Variants in ADGRL3 observed in about 807,000 individuals in gnomAD.
ADGRL3 encodes calcium-independent alpha-latrotoxin receptor 3.
ADGRL3 carries 62 observed loss-of-function variants against 153.5 expected under a neutral mutation model. The ratio of observed to expected loss-of-function variants is 0.40; its 90% confidence interval spans 0.33 to 0.50. ADGRL3 has a LOEUF of 0.50. ADGRL3 is among the 20% of genes least tolerant of loss of function. ADGRL3 has a pLI of 0.47. For missense variants in ADGRL3, 1,641 were observed against 1,859.4 expected (o/e 0.88, Z 2.16); for synonymous variants, 710 against 672.5 (o/e 1.06, Z -0.86).
At chr4:61,874,916 C>T (rs1203071600) in intron 9 of ADGRL3, among the ~76,000 whole-genome samples, 2 of 146,000 alleles carry the variant, frequency 1.4e-5, no homozygotes, top group East Asian at 4.1e-4. Context: ...TCACGCCATT[C>T]TCCTGCCTCA....
intron 5 of ADGRL3, among the ~76,000 whole-genome samples, chr4:61,661,618 A>T (rs774223050): frequency 2.0e-5 from 3 of 152,140 alleles, no homozygotes; most frequent in Admixed American, 1.3e-4. Flanking sequence ...TAAAGGAAAG[A>T]ACAGTGTTAT....
chr4:61,291,173 A>T (rs1474952421), intron 1 of ADGRL3, among the ~76,000 whole-genome samples: 1 of 70,152 alleles, frequency 1.4e-5, no homozygotes, highest in Non-Finnish European at 2.9e-5. Flanking sequence ...TGCCTGGATC[A>T]ATACACACAC....
rs978015576 is a variant in ADGRL3, at chr4:61,200,349, G to C, written c.-1656G>C. Among the ~76,000 whole-genome samples the C allele has an allele frequency of 6.0e-5, 9 of 149,920 alleles. No individual in the cohort carries two copies. Among genetic ancestry groups the C allele is most frequent in the African/African-American group, 2.0e-4 (8 of 40,624 alleles). On this transcript the variant is annotated 5_prime_UTR_variant, in exon 1 of 27. Coordinates refer to ENST00000683033, the MANE Select transcript of ADGRL3 (RefSeq NM_001387552.1). ...TCATTCTGGCCTCCGCTCCGGCCCC[G>C]GCTGCGCCTACCCCGCGCGCAGGCT...
At chr4:61,274,764 AAAACAAAC>A (rs906748017) in intron 1 of ADGRL3, among the ~76,000 whole-genome samples, 1 of 152,050 alleles carries the variant, frequency 6.6e-6, no homozygotes, top group Non-Finnish European at 1.5e-5. Context: ...TCTCTACCAA[AAAACAAAC>A]AAACAAACAA....
intron 1 of ADGRL3, among the ~76,000 whole-genome samples, chr4:61,307,273 A>G (rs1488748689): frequency 2.6e-5 from 4 of 152,198 alleles, no homozygotes; most frequent in Non-Finnish European, 5.9e-5. Context: ...TGATTATGAC[A>G]ATATCTAAAA....
At chr4:61,347,522 A>G (rs1327663949) in intron 1 of ADGRL3, among the ~76,000 whole-genome samples, 1 of 152,170 alleles carries the variant, frequency 6.6e-6, no homozygotes. Flanking sequence ...AATTGAAGAA[A>G]GCAAATGCAA....
intron 11 of ADGRL3, among the ~76,000 whole-genome samples, chr4:61,901,540 T>G (rs1040655713): frequency 3.3e-5 from 5 of 152,210 alleles, no homozygotes; most frequent in African/African-American, 9.6e-5. Context: ...ATTTAACTTA[T>G]GTTTAATTGT....
intron 9 of ADGRL3, among the ~76,000 whole-genome samples, chr4:61,845,964 C>A (rs1481183553): frequency 1.3e-5 from 2 of 152,038 alleles, no homozygotes; most frequent in Non-Finnish European, 2.9e-5. Context: ...GCATAACATT[C>A]TGTTATCAGC....
At chr4:61,820,820 T>C (rs1470638674) in intron 9 of ADGRL3, among the ~76,000 whole-genome samples, 3 of 152,164 alleles carry the variant, frequency 2.0e-5, no homozygotes, top group Admixed American at 2.0e-4. Context: ...GAAGGTCATA[T>C]GTCCCCACCA....
intron 2 of ADGRL3, among the ~76,000 whole-genome samples, chr4:61,399,736 A>T (rs575876648): frequency 6.6e-6 from 1 of 151,730 alleles, no homozygotes; most frequent in East Asian, 1.9e-4. Context: ...TGACTAAATT[A>T]TCCACTGAAC....
chr4:61,853,619 C>T (rs1376973600), intron 9 of ADGRL3, among the ~76,000 whole-genome samples: 1 of 152,188 alleles, frequency 6.6e-6, no homozygotes. Flanking sequence ...CGTAGAGACA[C>T]TAAAGAAGCC....
intron 1 of ADGRL3, among the ~76,000 whole-genome samples, chr4:61,212,675 A>T (rs539274668): frequency 1.6e-4 from 25 of 152,158 alleles, no homozygotes; most frequent in South Asian, 2.1e-4. Context: ...TTTCATTTTC[A>T]TTTGAAAGTA....
chr4:61,670,882 T>C (rs1052227832), intron 5 of ADGRL3, among the ~76,000 whole-genome samples: 6 of 152,188 alleles, frequency 3.9e-5, no homozygotes, highest in Admixed American at 2.0e-4. Context: ...CATAGAATTA[T>C]AAGGAGTTCA....
At chr4:61,976,022 C>A (rs138483588) in intron 17 of ADGRL3, among the ~76,000 whole-genome samples, 4 of 152,174 alleles carry the variant, frequency 2.6e-5, no homozygotes, top group African/African-American at 7.2e-5. Context: ...GGGTCCAGCT[C>A]TAAAGCATTT....
At chr4:61,901,943 T>C (rs573631486) in intron 11 of ADGRL3, among the ~76,000 whole-genome samples, 86 of 152,280 alleles carry the variant, frequency 5.6e-4, no homozygotes, top group African/African-American at 2.0e-3. Flanking sequence ...TAGAATTTAG[T>C]AAAAGAAGTT....
At chr4:61,310,732 G>GT (rs34156856) in intron 1 of ADGRL3, among the ~76,000 whole-genome samples, 68,765 of 145,722 alleles carry the variant, frequency 0.47, 17,309 homozygotes, top group East Asian at 0.68. Flanking sequence ...TGTAAGATCA[G>GT]TTTTTTTTTT....
intron 5 of ADGRL3, among the ~76,000 whole-genome samples, chr4:61,631,153 G>A (rs1018446978): frequency 6.6e-6 from 1 of 151,962 alleles, no homozygotes; most frequent in Non-Finnish European, 1.5e-5. Context: ...CCTTTGTTAT[G>A]TCTAATGAAT....
At chr4:61,992,923 A>G (rs1446741873) in intron 19 of ADGRL3, among the ~76,000 whole-genome samples, 2 of 152,140 alleles carry the variant, frequency 1.3e-5, no homozygotes, top group East Asian at 3.9e-4. Context: ...TTAGTCCAAG[A>G]CAACTGTTAA....
intron 19 of ADGRL3, among the ~76,000 whole-genome samples, chr4:61,990,993 C>T (rs1045944481): frequency 3.8e-4 from 39 of 102,592 alleles, no homozygotes; most frequent in East Asian, 2.4e-3. Context: ...TGTGTGTGTA[C>T]GTATTTATGA....
Sources: allele counts gnomAD v4.1 joint callset (sites outside exome capture counted in the v4.1 genomes callset), GRCh38; gene constraint gnomAD v4.1.1; transcripts MANE v1.5; gene names NCBI Gene and HGNC (gene_info 2026-07-23, HGNC 2026-07-21).